The following TSC22D1 variants were observed in gnomAD, a reference collection of about 807,000 sequenced individuals.
TSC22D1 encodes the protein TSC22 domain family member 1.
A neutral mutation model predicts 74.2 loss-of-function variants in TSC22D1; 9 were observed. That is an observed-to-expected ratio of 0.12 (90% CI 0.07 to 0.21). The LOEUF (loss-of-function observed/expected upper bound fraction) is 0.21. Among genes scored for constraint, TSC22D1 ranks in the 10% least tolerant of loss-of-function variants. TSC22D1 has a pLI of 1.00. For missense variants in TSC22D1, 1,427 were observed against 1,304.7 expected, an observed-to-expected ratio of 1.09 and a Z score of -1.44; for synonymous variants, 586 against 492.5, an observed-to-expected ratio of 1.19 and a Z score of -2.51.
chr13:44,481,369 G>A (rs538998055), intron 1 of TSC22D1, among the ~76,000 whole-genome samples: 22 of 152,220 alleles, frequency 1.4e-4, no homozygotes, highest in Middle Eastern at 6.8e-3. Flanking sequence ...ACTGGTGAGG[G>A]GTGGGTGGTT....
At chr13:44,573,125 A>G in intron 1 of TSC22D1, 38 bp downstream of exon 1, 1 of 1,594,018 alleles carries the variant, frequency 6.3e-7, no homozygotes, top group African/African-American at 1.3e-5. Flanking sequence ...TTAACTTCAA[A>G]TCTGTTGAAT....
chr13:44,490,954 A>T (rs1878681608), intron 1 of TSC22D1, among the ~76,000 whole-genome samples: 1 of 151,284 alleles, frequency 6.6e-6, no homozygotes, highest in Admixed American at 6.6e-5. Flanking sequence ...ATACATATAT[A>T]TGTATATATT....
rs2138838450 is a variant in TSC22D1, at chr13:44,434,146, C to T, written c.*480G>A. 2.0e-6 allele frequency: 3 copies of T among 1,490,114 alleles called. No individual in the cohort carries two copies. The South Asian group carries it at 4.0e-5, about 20-fold the overall frequency. 92.3% of individuals were successfully genotyped at this position (1,490,114 alleles called of 1,614,324 possible). On this transcript the variant is annotated 3_prime_UTR_variant, in exon 3 of 3. Coordinates refer to ENST00000458659, the MANE Select transcript of TSC22D1 (RefSeq NM_183422.4). ...ACAGTTGTCAAATTTGTACAGTGAACTCTGTTCCCCCTCATTTTAGTCTTT... is the reference window on the plus strand; with the variant it reads ...ACAGTTGTCAAATTTGTACAGTGAATTCTGTTCCCCCTCATTTTAGTCTTT...
chr13:44,546,160 ATAAT>A (rs1243146362), intron 1 of TSC22D1, among the ~76,000 whole-genome samples: 1 of 152,204 alleles, frequency 6.6e-6, no homozygotes, highest in African/African-American at 2.4e-5. Context: ...AAGATGTTAA[ATAAT>A]TAAATGTAAA....
intron 1 of TSC22D1, among the ~76,000 whole-genome samples, chr13:44,438,356 T>A (rs535167992): frequency 6.6e-6 from 1 of 152,310 alleles, no homozygotes; most frequent in East Asian, 1.9e-4. Context: ...AATAAGCATC[T>A]TTCCTCAAGC....
At chr13:44,523,308 T>A (rs547460195) in intron 1 of TSC22D1, among the ~76,000 whole-genome samples, 1 of 152,272 alleles carries the variant, frequency 6.6e-6, no homozygotes, top group East Asian at 1.9e-4. Flanking sequence ...TTTTCCCAAA[T>A]GAGTTGAAAA....
At chr13:44,444,839 A>G (rs1875508883) in intron 1 of TSC22D1, among the ~76,000 whole-genome samples, 1 of 152,170 alleles carries the variant, frequency 6.6e-6, no homozygotes, top group African/African-American at 2.4e-5. Context: ...TCTTATAAAG[A>G]CACAACCTAC....
chr13:44,433,886 A>C lies in TSC22D1; in HGVS notation c.*740T>G, dbSNP rs1297247948. On this transcript the variant is annotated 3_prime_UTR_variant, in exon 3 of 3. Transcript: ENST00000458659. ...TATATAAAAGTCCACACCTCCTCAG[A>C]CAGCCAATGAAACAACTAAATTTCA... 8 of 1,220,656 alleles carry C rather than the reference A, an allele frequency of 6.6e-6. No individual in the cohort carries two copies. The highest frequency in any genetic ancestry group is 2.4e-4 in the Middle Eastern group (1 of 4,126). 75.6% of individuals were successfully genotyped at this position (1,220,656 alleles called of 1,614,324 possible).
chr13:44,515,519 C>G (rs1288192952), intron 1 of TSC22D1, among the ~76,000 whole-genome samples: 1 of 151,876 alleles, frequency 6.6e-6, no homozygotes, highest in East Asian at 1.9e-4. Flanking sequence ...TTCTCTGCAG[C>G]CTCCACCTTC....
At chr13:44,470,000 G>A (rs969219531) in intron 1 of TSC22D1, among the ~76,000 whole-genome samples, 5 of 152,158 alleles carry the variant, frequency 3.3e-5, no homozygotes, top group Non-Finnish European at 5.9e-5. Flanking sequence ...AAATCCATAT[G>A]AGTAAGAAAG....
chr13:44,450,935 G>A, intron 1 of TSC22D1, among the ~76,000 whole-genome samples: 1 of 152,332 alleles, frequency 6.6e-6, no homozygotes, highest in South Asian at 2.1e-4. Context: ...GCATAGCAAA[G>A]ACACCTGAGT....
intron 1 of TSC22D1, among the ~76,000 whole-genome samples, chr13:44,447,454 AT>A (rs1222835412): frequency 6.6e-6 from 1 of 152,126 alleles, no homozygotes; most frequent in African/African-American, 2.4e-5. Context: ...CTAGGCTTGA[AT>A]TTTTTAACTA....
In TSC22D1 at chr13:44,436,863, A is replaced by G. The variant is rs914331459; in HGVS notation, c.2913-768T>C. On this transcript the variant is annotated intron_variant, in intron 1 of 2. Transcript: ENST00000458659. ...GGGCTCCACTCAGCTCTAGACCAGGACTCCCAGTCTTAGTGCAAAATATAT... is the reference window on the plus strand; with the variant it reads ...GGGCTCCACTCAGCTCTAGACCAGGGCTCCCAGTCTTAGTGCAAAATATAT... 6.5e-6 allele frequency: 8 copies of G among 1,239,878 alleles called. No homozygotes were observed. The Admixed American group carries it at 2.5e-4, about 38-fold the overall frequency. 76.8% of individuals were successfully genotyped at this position (1,239,878 alleles called of 1,614,324 possible).
intron 1 of TSC22D1, among the ~76,000 whole-genome samples, chr13:44,568,915 T>C (rs1595176054): frequency 1.3e-5 from 2 of 152,088 alleles, no homozygotes; most frequent in African/African-American, 4.8e-5. Context: ...ATAGGAAAAG[T>C]AATATTTGAC....
rs9595147 is a variant in TSC22D1, at chr13:44,538,293, T to C, written c.2912+34870A>G. ...CTTCTCTATTAGAAACTTTGTTGAT[T>C]TGACAATTATAATAAGCCTCAAGAC... On this transcript the variant is annotated intron_variant, in intron 1 of 2. Coordinates refer to ENST00000458659, the MANE Select transcript of TSC22D1 (RefSeq NM_183422.4). 2,105 of 985,334 alleles carry C rather than the reference T, an allele frequency of 2.1e-3. 36 individuals carry two copies. In the African/African-American group the frequency reaches 0.035, roughly 16 times the overall value. 61.0% of individuals were successfully genotyped at this position (985,334 alleles called of 1,614,324 possible). A position where few individuals can be genotyped will look rare whatever the true frequency, so the allele number is the denominator to read the frequency against.
intron 1 of TSC22D1, among the ~76,000 whole-genome samples, chr13:44,505,563 T>C (rs1036819887): frequency 6.6e-6 from 1 of 151,966 alleles, no homozygotes; most frequent in Non-Finnish European, 1.5e-5. Flanking sequence ...AAAAATAAAA[T>C]ACATACTATA....
At chr13:44,501,904 T>C (rs1214131144) in intron 1 of TSC22D1, among the ~76,000 whole-genome samples, 1 of 152,222 alleles carries the variant, frequency 6.6e-6, no homozygotes, top group Non-Finnish European at 1.5e-5. Flanking sequence ...TCTTCACACT[T>C]AACCTACCTA....
chr13:44,551,397 T>TGGGTGG (rs1882257606), intron 1 of TSC22D1, among the ~76,000 whole-genome samples: 2 of 137,354 alleles, frequency 1.5e-5, no homozygotes, highest in Non-Finnish European at 3.2e-5. Context: ...TGGGTGTGTG[T>TGGGTGG]GTGTGTGTGT....
intron 1 of TSC22D1, among the ~76,000 whole-genome samples, chr13:44,464,500 C>CT (rs955920206): frequency 1.9e-4 from 28 of 149,416 alleles, no homozygotes; most frequent in Admixed American, 4.7e-4. Context: ...GTGATATAGT[C>CT]TTTTTTTTTT....
Sources: allele counts gnomAD v4.1 joint callset (sites outside exome capture counted in the v4.1 genomes callset), GRCh38; gene constraint gnomAD v4.1.1; transcripts MANE v1.5; gene names NCBI Gene and HGNC (gene_info 2026-07-23, HGNC 2026-07-21).